UPP2: variants seen among roughly 807,000 people sequenced by gnomAD.
UPP2 encodes the protein UPase 2.
UPP2 carries 23 observed loss-of-function variants against 26.7 expected under a neutral mutation model. That is an observed-to-expected ratio of 0.86 (90% CI 0.62 to 1.22). The LOEUF is 1.22. Among genes scored for constraint, UPP2 ranks in the 50% most tolerant of loss-of-function variants. UPP2 has a pLI of 0.00. For synonymous variants in UPP2, 127 were observed against 141.3 expected, an observed-to-expected ratio of 0.90 and a Z score of 0.72; for missense variants, 387 against 396.7, an observed-to-expected ratio of 0.98 and a Z score of 0.21.
At chr2:158,111,073 G>GT (rs773480576) in intron 2 of UPP2, among the ~76,000 whole-genome samples, 5 of 152,128 alleles carry the variant, frequency 3.3e-5, no homozygotes, top group African/African-American at 4.8e-5. Flanking sequence ...TAGACATGAA[G>GT]TCCTTGCCCA....
At chr2:158,044,496 G>T (rs910680916) in intron 3 of UPP2, among the ~76,000 whole-genome samples, 5 of 152,176 alleles carry the variant, frequency 3.3e-5, no homozygotes, top group Non-Finnish European at 5.9e-5. Flanking sequence ...AGGTCAGCCA[G>T]CTAGGGTGAC....
chr2:158,003,720 A>AT (rs1245422364), intron 2 of UPP2, among the ~76,000 whole-genome samples: 5 of 151,760 alleles, frequency 3.3e-5, no homozygotes, highest in East Asian at 1.9e-4. Context: ...AAAATAAAAA[A>AT]AAAAAAAAAA....
chr2:158,103,582 T>C (rs1319817009), intron 1 of UPP2, among the ~76,000 whole-genome samples: 1 of 152,190 alleles, frequency 6.6e-6, no homozygotes, highest in East Asian at 1.9e-4. Flanking sequence ...ATTCATAGAT[T>C]CAGTTAGGAA....
intron 6 of UPP2, chr2:158,127,882 T>C (rs2105232313): frequency 2.1e-6 from 1 of 480,164 alleles, no homozygotes; most frequent in Non-Finnish European, 2.7e-6. Context: ...TGTAAACCTG[T>C]TCAATGGAAG....
chr2:158,079,656 C>G (rs1574279020), intron 3 of UPP2, among the ~76,000 whole-genome samples: 1 of 152,246 alleles, frequency 6.6e-6, no homozygotes, highest in East Asian at 1.9e-4. Context: ...CTCTTACATA[C>G]ATTTTTTTCA....
intron 3 of UPP2, among the ~76,000 whole-genome samples, chr2:158,095,875 T>C (rs1398858926): frequency 6.6e-6 from 1 of 152,220 alleles, no homozygotes; most frequent in Admixed American, 6.5e-5. Flanking sequence ...TTTTACATTT[T>C]ATTCCCTACT....
At position 158,047,865 on chromosome 2, in the gene UPP2, T is replaced by C. The variant is rs749996566; in HGVS notation, c.147+31979T>C. ...TGGATTACAAGTCTTCCCAATTGGT[T>C]TTTCTAAATTCTAGAAGGAGTCTCT... On this transcript the variant is annotated intron_variant, in intron 3 of 9. Transcript: ENST00000605860. 5.1e-4 allele frequency among the ~76,000 whole-genome samples: 77 copies of C among 152,312 alleles called. No individual in the cohort carries two copies. In the Middle Eastern group the frequency reaches 0.02, roughly 40 times the overall value.
chr2:158,029,717 A>T (rs528213201), intron 3 of UPP2, among the ~76,000 whole-genome samples: 2 of 152,192 alleles, frequency 1.3e-5, no homozygotes, highest in African/African-American at 4.8e-5. Context: ...AGACATAGAC[A>T]TAAAAATAGA....
chr2:158,066,345 A>C (rs1049265384), intron 3 of UPP2, among the ~76,000 whole-genome samples: 3 of 152,236 alleles, frequency 2.0e-5, no homozygotes, highest in African/African-American at 7.2e-5. Flanking sequence ...GAAATCATGC[A>C]GTATTGAGTT....
intron 2 of UPP2, among the ~76,000 whole-genome samples, chr2:157,999,443 G>A (rs980677862): frequency 1.3e-5 from 2 of 152,178 alleles, no homozygotes; most frequent in African/African-American, 4.8e-5. Flanking sequence ...TTCCCAAAGT[G>A]CTGGGATTAC....
Position 158,096,773 on chromosome 2 carries a change from G to A in UPP2, c.148-5267G>A, listed in dbSNP as rs189683727. Among the ~76,000 whole-genome samples the A allele has an allele frequency of 1.1e-4, 17 of 152,136 alleles. No homozygotes were observed. The East Asian group carries it at 1.9e-3, about 17-fold the overall frequency. The stretch of plus-strand genomic sequence containing the variant: ...ATAATATTAAATTTTTGAAAACAAA[G>A]TTGTAAAGGAAGGTAGAGTGGGATA... On this transcript the variant is annotated intron_variant, in intron 3 of 9. Transcript: ENST00000605860.
intron 3 of UPP2, among the ~76,000 whole-genome samples, chr2:158,080,664 A>G (rs1333682378): frequency 1.3e-5 from 2 of 152,206 alleles, no homozygotes; most frequent in Non-Finnish European, 2.9e-5. Flanking sequence ...TTCAAATCAA[A>G]ACTGGCCAAA....
exon 2 of UPP2, chr2:157,995,219 G>T: frequency 6.2e-7 from 1 of 1,613,744 alleles, no homozygotes. Flanking sequence ...CAGGCTGTGA[G>T]TTGGACCCAG....
intron 3 of UPP2, among the ~76,000 whole-genome samples, chr2:158,054,989 A>G (rs1682224013): frequency 1.3e-5 from 2 of 152,046 alleles, no homozygotes; most frequent in African/African-American, 4.8e-5. Flanking sequence ...CCTGACAACC[A>G]CTATTCTACT....
At chr2:158,090,530 C>A (rs1036980192) in intron 3 of UPP2, among the ~76,000 whole-genome samples, 1 of 151,422 alleles carries the variant, frequency 6.6e-6, no homozygotes, top group African/African-American at 2.5e-5. Context: ...AAAAAACAAA[C>A]AAACAAACAA....
At chr2:158,067,110 C>T (rs1682448724) in intron 3 of UPP2, among the ~76,000 whole-genome samples, 1 of 152,004 alleles carries the variant, frequency 6.6e-6, no homozygotes, top group Admixed American at 6.6e-5. Flanking sequence ...CAGGTTTCTG[C>T]TAATGAATTG....
chr2:158,097,862 T>C (rs1683012084), upstream of UPP2, among the ~76,000 whole-genome samples: 1 of 152,220 alleles, frequency 6.6e-6, no homozygotes, highest in African/African-American at 2.4e-5. Flanking sequence ...AATTATAATA[T>C]AGTACTTTGA....
At chr2:158,002,748 G>A (rs1683428252) in intron 2 of UPP2, among the ~76,000 whole-genome samples, 1 of 152,202 alleles carries the variant, frequency 6.6e-6, no homozygotes. Context: ...CTATTGTAAG[G>A]ATGGAAAAAA....
intron 2 of UPP2, among the ~76,000 whole-genome samples, chr2:158,002,867 G>A (rs974061357): frequency 6.6e-6 from 1 of 152,122 alleles, no homozygotes; most frequent in African/African-American, 2.4e-5. Flanking sequence ...TGCTGCTTGG[G>A]ATTCAGCTCA....
Sources: allele counts gnomAD v4.1 joint callset (sites outside exome capture counted in the v4.1 genomes callset), GRCh38; gene constraint gnomAD v4.1.1; transcripts MANE v1.5; gene names NCBI Gene and HGNC (gene_info 2026-07-23, HGNC 2026-07-21).